TTC13: variants seen among roughly 807,000 people sequenced by gnomAD.
TTC13 encodes the protein tetratricopeptide repeat protein 13.
A neutral mutation model predicts 120.0 loss-of-function variants in TTC13; 62 were observed. That is an observed-to-expected ratio of 0.52 (90% CI 0.42 to 0.64). The LOEUF is 0.64. TTC13 is among the 30% of genes least tolerant of loss of function. The pLI, the probability that TTC13 is intolerant of heterozygous loss-of-function variation, is 0.00. For synonymous variants in TTC13, 384 were observed against 393.5 expected (o/e 0.98, Z 0.28); for missense variants, 824 against 1,050.2 (o/e 0.78, Z 2.98).
At chr1:230,911,758 C>T (rs1275742111) in intron 19 of TTC13, among the ~76,000 whole-genome samples, 3 of 151,990 alleles carry the variant, frequency 2.0e-5, no homozygotes, top group African/African-American at 7.2e-5. Context: ...AATGTTTTCC[C>T]AGCTGTTTCT....
At chr1:230,954,718 C>T (rs1675897921) in intron 3 of TTC13, among the ~76,000 whole-genome samples, 1 of 152,178 alleles carries the variant, frequency 6.6e-6, no homozygotes, top group Non-Finnish European at 1.5e-5. Flanking sequence ...TGTCTCCTAG[C>T]TATCACAAAA....
chr1:230,951,225 T>C (rs1675543714), intron 4 of TTC13, among the ~76,000 whole-genome samples: 2 of 152,216 alleles, frequency 1.3e-5, no homozygotes, highest in Admixed American at 1.3e-4. Context: ...ATACCCTTTA[T>C]ATGTAGATTT....
At chr1:230,974,591 A>G (rs1678086531) in intron 1 of TTC13, among the ~76,000 whole-genome samples, 1 of 152,188 alleles carries the variant, frequency 6.6e-6, no homozygotes. Context: ...ATCTCGGTCT[A>G]AGTACACTCT....
chr1:230,948,114 G>A (rs1157587538), intron 4 of TTC13, among the ~76,000 whole-genome samples: 1 of 152,066 alleles, frequency 6.6e-6, no homozygotes, highest in Admixed American at 6.6e-5. Context: ...TTCCCTAACT[G>A]AAATTATTCA....
Position 230,940,533 on chromosome 1 carries a change from A to T in TTC13, c.696T>A (p.Ile232=). The change falls in exon 7 of 23, where the codon ATT becomes ATA. Residue 232 remains isoleucine, a synonymous_variant. Coordinates refer to ENST00000366661, the MANE Select transcript of TTC13 (RefSeq NM_024525.5). This position sits in a 1 kb window ranked among gnomAD's most constrained non-coding sequence, Gnocchi z 4.1. ...TAGTGAGGTCATTCACTGCTTCATT[A>T]ATTCGTCCCAGAGGGGACAGAATCT... ...RAEILSPLGR[I]NEAVNDLTKA... is the part of the protein sequence containing the mutation. The T allele has an allele frequency of 6.2e-7, 1 of 1,612,850 alleles. No individual in the cohort carries two copies.
At chr1:230,951,538 A>G (rs1675581037) in intron 4 of TTC13, among the ~76,000 whole-genome samples, 1 of 152,232 alleles carries the variant, frequency 6.6e-6, no homozygotes, top group African/African-American at 2.4e-5. Context: ...GTAAAAACTT[A>G]TTAGCATATA....
chr1:230,965,026 A>G (rs1676995798), intron 1 of TTC13, among the ~76,000 whole-genome samples: 1 of 152,206 alleles, frequency 6.6e-6, no homozygotes, highest in Admixed American at 6.5e-5. Flanking sequence ...TGAAACTACT[A>G]CAAGAAAACG....
intron 1 of TTC13, among the ~76,000 whole-genome samples, chr1:230,970,486 T>C (rs956900961): frequency 1.3e-5 from 2 of 152,106 alleles, no homozygotes; most frequent in African/African-American, 2.4e-5. Context: ...TGAGAGCCAG[T>C]GAACAGAGAG....
chr1:230,940,691 C>A lies in TTC13; in HGVS notation c.673-135G>T. 2 of 619,322 alleles carry A rather than the reference C, an allele frequency of 3.2e-6. No homozygotes were observed. The highest frequency in any genetic ancestry group is 2.9e-5 in the East Asian group (1 of 34,764). 38.4% of individuals were successfully genotyped at this position (619,322 alleles called of 1,614,324 possible). ...TCAGCAGGCTGCAATCCTTGACCCC[C>A]TATATTATGCGGTGGGGTTCAAAGT... On this transcript the variant is annotated intron_variant, in intron 6 of 22. Transcript: ENST00000366661. This position sits in a 1 kb window ranked among gnomAD's most constrained non-coding sequence, Gnocchi z 4.1.
chr1:230,913,252 G>C (rs1400485766), intron 18 of TTC13, among the ~76,000 whole-genome samples: 1 of 152,148 alleles, frequency 6.6e-6, no homozygotes, highest in East Asian at 1.9e-4. Context: ...TGATACAACA[G>C]GCATTTTTTG....
chr1:230,914,636 G>A (rs370863122), intron 18 of TTC13, among the ~76,000 whole-genome samples: 6 of 152,020 alleles, frequency 3.9e-5, no homozygotes, highest in Non-Finnish European at 7.4e-5. Context: ...CTAGTGATCC[G>A]CCCGCCTTGG....
chr1:230,960,293 A>G (rs868094976), intron 2 of TTC13, among the ~76,000 whole-genome samples: 1 of 152,248 alleles, frequency 6.6e-6, no homozygotes, highest in South Asian at 2.1e-4. Context: ...CTAGTAGAAC[A>G]TATTTTAACT....
chr1:230,923,578 A>G (rs1010640459), intron 15 of TTC13, among the ~76,000 whole-genome samples: 1 of 152,210 alleles, frequency 6.6e-6, no homozygotes, highest in Non-Finnish European at 1.5e-5. Context: ...GCCCTAGGAA[A>G]ACATCTGCAA....
At chr1:230,952,028 G>C (rs1379464373) in intron 4 of TTC13, among the ~76,000 whole-genome samples, 1 of 152,156 alleles carries the variant, frequency 6.6e-6, no homozygotes, top group Non-Finnish European at 1.5e-5. Context: ...GAAAAGTTTT[G>C]TCCAGAAAAG....
In TTC13 at chr1:230,969,003, G is replaced by A. The variant is rs12091986; in HGVS notation, c.272-7700C>T. ...TAAGAAAGCTTAGGGGGCTGGGTGC[G>A]GTGGCTCACGCCTGTAATCCCAGCA... On this transcript the variant is annotated intron_variant, in intron 1 of 22. Coordinates refer to ENST00000366661, the MANE Select transcript of TTC13 (RefSeq NM_024525.5). 5.8e-3 allele frequency among the ~76,000 whole-genome samples: 886 copies of A among 152,276 alleles called. 10 individuals are homozygous for A. The highest frequency in any genetic ancestry group is 0.019 in the African/African-American group (792 of 41,558).
intron 2 of TTC13, among the ~76,000 whole-genome samples, chr1:230,960,846 G>A (rs1174796655): frequency 6.6e-6 from 1 of 152,104 alleles, no homozygotes; most frequent in African/African-American, 2.4e-5. Flanking sequence ...AGAGGTCCAC[G>A]GTATAGTTTA....
chr1:230,939,597 C>T, intron 7 of TTC13, 101 bp from the exon 8 acceptor site: 2 of 679,558 alleles, frequency 2.9e-6, no homozygotes, highest in Admixed American at 2.6e-5. Context: ...TCAATTCATC[C>T]TCTGCCCTTT....
In TTC13 at chr1:230,967,068, C is replaced by T. The variant is rs138803792; in HGVS notation, c.272-5765G>A. ...TATTTTATCTGCCCACATTACTGAA[C>T]TCTTTACAGCCCTATTAATGTCTCC... On this transcript the variant is annotated intron_variant, in intron 1 of 22. Coordinates refer to ENST00000366661, the MANE Select transcript of TTC13 (RefSeq NM_024525.5). Among the ~76,000 whole-genome samples the T allele has an allele frequency of 2.1e-4, 32 of 152,278 alleles. No homozygotes were observed. In the East Asian group the frequency reaches 6.2e-3, roughly 29 times the overall value.
intron 22 of TTC13, among the ~76,000 whole-genome samples, chr1:230,907,970 TCA>T (rs754582675): frequency 1.2e-4 from 8 of 67,214 alleles, no homozygotes; most frequent in Non-Finnish European, 1.9e-4. Flanking sequence ...GCTAGACTCC[TCA>T]CACACAGTGT....
Sources: gnomAD v4.1 joint callset for allele counts (sites outside exome capture counted in the v4.1 genomes callset) on GRCh38, gnomAD v4.1.1 for gene constraint, Gnocchi (gnomAD v3.1) non-coding constraint, MANE v1.5 for transcripts, NCBI Gene and HGNC (gene_info 2026-07-23, HGNC 2026-07-21) for gene names.